Variants in VWCE observed in about 807,000 individuals in gnomAD.
VWCE encodes the protein von Willebrand factor C and EGF domain-containing protein.
Under a neutral mutation model 102.9 loss-of-function variants are expected in VWCE, and 68 were observed. The ratio of observed to expected loss-of-function variants is 0.66; its 90% CI spans 0.54 to 0.81. The LOEUF (loss-of-function observed/expected upper bound fraction) is 0.81. Among genes scored for constraint, VWCE ranks in the 30% least tolerant of loss-of-function variants. The probability of loss-of-function intolerance (pLI) is 0.00; values close to 1 mark genes in which losing one functional copy is unlikely to be tolerated. For synonymous variants in VWCE, 497 were observed against 515.4 expected, an observed-to-expected ratio of 0.96 and a Z score of 0.48; for missense variants, 1,137 against 1,263.6, an observed-to-expected ratio of 0.90 and a Z score of 1.52.
intron 10 of VWCE, among the ~76,000 whole-genome samples, chr11:61,277,105 A>G (rs954167044): frequency 7.2e-6 from 1 of 138,070 alleles, no homozygotes; most frequent in Non-Finnish European, 1.5e-5. Context: ...GAAACAGAGA[A>G]GTGAGAGAGA....
intron 4 of VWCE, among the ~76,000 whole-genome samples, chr11:61,288,453 C>A (rs995746528): frequency 2.6e-5 from 4 of 152,122 alleles, no homozygotes; most frequent in African/African-American, 9.7e-5. Flanking sequence ...CCTACTTAGC[C>A]TTCTACCCAG....
chr11:61,259,488 G>A (rs778651485), intron 19 of VWCE, among the ~76,000 whole-genome samples, 176 bp from the exon 20 acceptor site: 2 of 152,192 alleles, frequency 1.3e-5, no homozygotes, highest in Non-Finnish European at 2.9e-5. Flanking sequence ...AGCCATGAAC[G>A]GAGGGAGGCA....
At chr11:61,277,537 C>T (rs1173430023) in intron 10 of VWCE, among the ~76,000 whole-genome samples, 2 of 151,966 alleles carry the variant, frequency 1.3e-5, no homozygotes, top group Non-Finnish European at 2.9e-5. Flanking sequence ...CGCTTGAGCC[C>T]GAGGCTGCAA....
At chr11:61,286,067 TCTAA>T (rs1276288238) in intron 5 of VWCE, among the ~76,000 whole-genome samples, 7 of 152,290 alleles carry the variant, frequency 4.6e-5, no homozygotes, top group East Asian at 3.9e-4. Flanking sequence ...AGCAGTCGGT[TCTAA>T]CTGTTAGATG....
At chr11:61,269,062 G>C in intron 14 of VWCE, 44 bp from the exon 15 acceptor site, 2 of 1,576,096 alleles carry the variant, frequency 1.3e-6, no homozygotes, top group South Asian at 1.1e-5. Context: ...CGGTGACACC[G>C]GCCCCTGCCT....
chr11:61,266,313 G>C (rs993014831), intron 16 of VWCE, among the ~76,000 whole-genome samples: 1 of 152,136 alleles, frequency 6.6e-6, no homozygotes, highest in Non-Finnish European at 1.5e-5. Context: ...GCCAAGGTGC[G>C]AGGATTGCCT....
chr11:61,269,736 G>A (rs770388734), intron 14 of VWCE, among the ~76,000 whole-genome samples: 12 of 151,678 alleles, frequency 7.9e-5, no homozygotes, highest in African/African-American at 1.2e-4. Flanking sequence ...GTGAGCCACC[G>A]CAACCGGCCT....
intron 5 of VWCE, 76 bp downstream of exon 5, chr11:61,286,238 G>C: frequency 7.2e-7 from 1 of 1,380,928 alleles, no homozygotes; most frequent in Non-Finnish European, 1.0e-6. Context: ...ACTGCACTGG[G>C]CATGGCAGGG....
chr11:61,268,049 G>A (rs550656209), intron 15 of VWCE, among the ~76,000 whole-genome samples: 27 of 151,744 alleles, frequency 1.8e-4, no homozygotes, highest in Non-Finnish European at 4.0e-4. Context: ...GTAAAAGCAG[G>A]TGATGAGACA....
intron 10 of VWCE, among the ~76,000 whole-genome samples, chr11:61,277,077 GAGAGAGGAAGGA>G (rs1311309365): frequency 7.1e-6 from 1 of 141,794 alleles, no homozygotes. Flanking sequence ...GGAGGGAAGG[GAGAGAGGAAGGA>G]AGAGAGAAAC....
At position 61,294,265 on chromosome 11, in the gene VWCE, G is replaced by A. The variant is rs902892959; in HGVS notation, c.110+663C>T. Among the ~76,000 whole-genome samples, 1 of 152,172 alleles carries A rather than the reference G, an allele frequency of 6.6e-6. No homozygotes were observed. The highest frequency in any genetic ancestry group is 1.5e-5 in the Non-Finnish European group (1 of 68,024). On this transcript the variant is annotated intron_variant, in intron 1 of 19. Transcript: ENST00000335613. This position sits in a 1 kb window ranked among gnomAD's most constrained non-coding sequence, Gnocchi z 6.3. Reference sequence around the variant, plus strand: ...AGCCTGGCCGGGCCGCCCCCGCTGCGCGCCCCCCGGAGGACGTGGCCGCGG... The same window carrying A: ...AGCCTGGCCGGGCCGCCCCCGCTGCACGCCCCCCGGAGGACGTGGCCGCGG...
At chr11:61,287,773 G>A (rs1358920398) in intron 4 of VWCE, among the ~76,000 whole-genome samples, 1 of 152,154 alleles carries the variant, frequency 6.6e-6, no homozygotes, top group Non-Finnish European at 1.5e-5. Context: ...GCAGCAGCTG[G>A]GCTCCTTGCA....
At chr11:61,287,348 C>T (rs773563518) in intron 4 of VWCE, among the ~76,000 whole-genome samples, 26 of 152,124 alleles carry the variant, frequency 1.7e-4, no homozygotes, top group Admixed American at 4.6e-4. Flanking sequence ...GATCAGATGA[C>T]GAGAGAAGAC....
intron 9 of VWCE, 108 bp from the exon 10 acceptor site, chr11:61,278,584 G>A: frequency 1.0e-6 from 1 of 1,004,436 alleles, no homozygotes; most frequent in Non-Finnish European, 1.5e-6. Context: ...TTCTCTCACT[G>A]CCCTAGGTGT....
chr11:61,268,065 G>C (rs1854564315), intron 15 of VWCE, among the ~76,000 whole-genome samples: 1 of 150,684 alleles, frequency 6.6e-6, no homozygotes, highest in South Asian at 2.1e-4. Flanking sequence ...AGACAGTAGG[G>C]GAAGCTTTAA....
intron 5 of VWCE, among the ~76,000 whole-genome samples, chr11:61,283,562 C>T (rs1405449622): frequency 6.6e-6 from 1 of 152,180 alleles, no homozygotes; most frequent in African/African-American, 2.4e-5. Flanking sequence ...CAGGCATGCA[C>T]CACCATGCCT....
chr11:61,274,437 GTGT>G, intron 12 of VWCE, 59 bp downstream of exon 12: 1 of 1,501,440 alleles, frequency 6.7e-7, no homozygotes, highest in South Asian at 1.2e-5. Context: ...CCTGAGTAAA[GTGT>G]TGTGCCTCGC....
chr11:61,281,727 C>T (rs1855143074), intron 7 of VWCE, 59 bp downstream of exon 7: 12 of 1,539,386 alleles, frequency 7.8e-6, no homozygotes, highest in Non-Finnish European at 1.1e-5. Flanking sequence ...GGGGGCGTAG[C>T]TGGGGCAGGC....
rs1161145798 is a variant in VWCE at position 61,290,921 on chromosome 11, T to C, written c.302A>G (p.His101Arg). ...ACAGCCGTACTCCCCACATGGTCCATGGGTTTCTAGAGCAGGCATCACACC... is the reference window on the plus strand; with the variant it reads ...ACAGCCGTACTCCCCACATGGTCCACGGGTTTCTAGAGCAGGCATCACACC... ...GEQGATCPET[H>R]GPCGEYGCDL... is the part of the protein sequence containing the mutation. Residue 101 changes from histidine to arginine, a missense_variant, in exon 4 of 20, where the codon CAT (histidine) becomes CGT (arginine). Transcript: ENST00000335613. 6.2e-7 allele frequency: 1 copy of C among 1,613,464 alleles called. No individual in the cohort carries two copies. Among genetic ancestry groups the C allele is most frequent in the South Asian group, 1.1e-5 (1 of 91,082 alleles).
Sources: gnomAD v4.1 joint callset for allele counts (sites outside exome capture counted in the v4.1 genomes callset) on GRCh38, gnomAD v4.1.1 for gene constraint, Gnocchi (gnomAD v3.1) non-coding constraint, MANE v1.5 for transcripts, NCBI Gene and HGNC (gene_info 2026-07-23, HGNC 2026-07-21) for gene names.